The following RYR2 variants were observed in gnomAD, a reference collection of about 807,000 sequenced individuals.
The protein encoded by RYR2 is ryanodine receptor 2, also known as cardiac muscle ryanodine receptor-calcium release channel.
In RYR2, 227 loss-of-function variants were observed where a neutral mutation model predicts 601.1. That is an observed-to-expected ratio of 0.38 (90% CI 0.34 to 0.42). The LOEUF (loss-of-function observed/expected upper bound fraction) is 0.42, where lower values mean the gene tolerates loss of function less well. Among genes scored for constraint, RYR2 ranks in the 10% least tolerant of loss-of-function variants. The pLI, the probability that RYR2 is intolerant of heterozygous loss-of-function variation, is 1.00. For synonymous variants in RYR2, 2,223 were observed against 2,175.1 expected, an observed-to-expected ratio of 1.02 and a Z score of -0.61; for missense variants, 4,646 against 6,156.5, an observed-to-expected ratio of 0.75 and a Z score of 8.21.
intron 3 of RYR2, among the ~76,000 whole-genome samples, chr1:237,335,609 G>A (rs1697176088): frequency 6.6e-6 from 1 of 152,104 alleles, no homozygotes; most frequent in Non-Finnish European, 1.5e-5. Flanking sequence ...ATTATTTCTG[G>A]GGGGATTGTA....
At chr1:237,558,972 T>C (rs1242988210) in intron 27 of RYR2, among the ~76,000 whole-genome samples, 1 of 151,696 alleles carries the variant, frequency 6.6e-6, no homozygotes, top group Non-Finnish European at 1.5e-5. Context: ...TGATATTCAC[T>C]ATTTGGTGAA....
At chr1:237,817,844 C>G (rs1662007228) in intron 100 of RYR2, among the ~76,000 whole-genome samples, 2 of 152,146 alleles carry the variant, frequency 1.3e-5, no homozygotes, top group South Asian at 4.1e-4. Context: ...TGGTCAGCAG[C>G]AACTAACTAG....
At chr1:237,745,194 A>G (rs900454931) in intron 80 of RYR2, among the ~76,000 whole-genome samples, 1 of 152,162 alleles carries the variant, frequency 6.6e-6, no homozygotes, top group Non-Finnish European at 1.5e-5. Flanking sequence ...AATCATGTAT[A>G]TACTATCAGA....
chr1:237,643,449 T>C lies in RYR2; in HGVS notation c.7342+2T>C. The C allele has an allele frequency of 6.2e-7, 1 of 1,613,832 alleles. No homozygotes were observed. The highest frequency in any genetic ancestry group is 8.5e-7 in the Non-Finnish European group (1 of 1,179,812). ...TTCAGATGCCAACAATAGCCAAAGG[T>C]AAGGCCAACTTCAATTTGTCCTAAT... On this transcript the variant is annotated splice_donor_variant, in intron 48 of 104. Coordinates refer to ENST00000366574, the MANE Select transcript of RYR2 (RefSeq NM_001035.3). LOFTEE classifies it high-confidence loss of function.
chr1:237,464,047 G>A (rs1009701021), intron 16 of RYR2, among the ~76,000 whole-genome samples: 7 of 152,070 alleles, frequency 4.6e-5, no homozygotes, highest in African/African-American at 7.2e-5. Context: ...TATTTATCAC[G>A]TAATACATGC....
At chr1:237,683,242 T>C (rs1686051191) in intron 62 of RYR2, among the ~76,000 whole-genome samples, 1 of 152,222 alleles carries the variant, frequency 6.6e-6, no homozygotes, top group Non-Finnish European at 1.5e-5. Flanking sequence ...AATAGTTGTG[T>C]GGGTTTGAGT....
chr1:237,609,433 G>A (rs933158746), intron 35 of RYR2, among the ~76,000 whole-genome samples: 9 of 141,170 alleles, frequency 6.4e-5, no homozygotes, highest in Non-Finnish European at 1.1e-4. Flanking sequence ...GCAGTGACAC[G>A]ATCTCAGCTC....
intron 11 of RYR2, among the ~76,000 whole-genome samples, chr1:237,418,130 C>T (rs973446595): frequency 2.0e-5 from 3 of 152,112 alleles, no homozygotes; most frequent in African/African-American, 7.2e-5. Flanking sequence ...GCAAGCTCCA[C>T]CTCCCGGGTT....
chr1:237,156,828 C>T (rs1293211563), intron 1 of RYR2, among the ~76,000 whole-genome samples: 1 of 152,110 alleles, frequency 6.6e-6, no homozygotes, highest in Non-Finnish European at 1.5e-5. Flanking sequence ...TGATTTCATC[C>T]TGTATTAAAT....
intron 17 of RYR2, among the ~76,000 whole-genome samples, chr1:237,473,218 G>T (rs1660936145): frequency 6.6e-6 from 1 of 152,020 alleles, no homozygotes; most frequent in Non-Finnish European, 1.5e-5. Context: ...GAGGTCAGGA[G>T]TTTGAAACCA....
At chr1:237,200,043 C>A (rs1681009357) in intron 1 of RYR2, among the ~76,000 whole-genome samples, 1 of 152,088 alleles carries the variant, frequency 6.6e-6, no homozygotes, top group Non-Finnish European at 1.5e-5. Flanking sequence ...GTCTTAGGAA[C>A]TGTATGAGAT....
chr1:237,827,544 C>T (rs1431045691), intron 101 of RYR2, among the ~76,000 whole-genome samples: 2 of 149,294 alleles, frequency 1.3e-5, no homozygotes, highest in African/African-American at 2.5e-5. Flanking sequence ...GCAGGAGGAT[C>T]GCTTGAGCCC....
At chr1:237,797,036 G>A (rs879530933) in intron 96 of RYR2, among the ~76,000 whole-genome samples, 2 of 151,848 alleles carry the variant, frequency 1.3e-5, no homozygotes, top group Non-Finnish European at 2.9e-5. Flanking sequence ...CACCCACCTC[G>A]GCCTCCCAAA....
At chr1:237,595,132 A>C (rs908663720) in intron 33 of RYR2, among the ~76,000 whole-genome samples, 9 of 151,894 alleles carry the variant, frequency 5.9e-5, no homozygotes, top group African/African-American at 2.2e-4. Flanking sequence ...GCTAAAAAAA[A>C]TCCATGAGAT....
At chr1:237,800,099 A>C (rs1404749980) in intron 97 of RYR2, 1 of 152,236 alleles carries the variant, frequency 6.6e-6, no homozygotes, top group Non-Finnish European at 1.5e-5. Context: ...GCTGTGTGAT[A>C]CTGATGGTAT....
chr1:237,711,732 T>C lies in RYR2; in HGVS notation c.10231-13T>C. The C allele has an allele frequency of 6.1e-6, 9 of 1,472,364 alleles. No individual in the cohort carries two copies. The highest frequency in any genetic ancestry group is 8.5e-6 in the Non-Finnish European group (9 of 1,059,082). 91.2% of individuals were successfully genotyped at this position (1,472,364 alleles called of 1,614,324 possible). On this transcript the variant is annotated splice_polypyrimidine_tract_variant and intron_variant, in intron 70 of 104. Coordinates refer to ENST00000366574, the MANE Select transcript of RYR2 (RefSeq NM_001035.3). ...AAGTGGTTTTAACTGAAATTTCCTT[T>C]GCAACTTCTCAGAATTTCAAAAGAG...
intron 1 of RYR2, among the ~76,000 whole-genome samples, chr1:237,182,208 G>A (rs541552094): frequency 3.3e-5 from 5 of 151,956 alleles, no homozygotes; most frequent in Admixed American, 1.3e-4. Context: ...TGCAGACTCC[G>A]CCTCCCGGGT....
intron 25 of RYR2, among the ~76,000 whole-genome samples, chr1:237,544,483 C>T: frequency 6.6e-6 from 1 of 152,128 alleles, no homozygotes; most frequent in South Asian, 2.1e-4. Flanking sequence ...ATTTTACTTT[C>T]CAAGAGTTAT....
In RYR2 at chr1:237,732,168, C is replaced by A. The variant is rs1204949717; in HGVS notation, c.11039+19C>A. 6.7e-7 allele frequency: 1 copy of A among 1,498,706 alleles called. No individual in the cohort carries two copies. The highest frequency in any genetic ancestry group is 9.3e-7 in the Non-Finnish European group (1 of 1,078,836). 92.8% of individuals were successfully genotyped at this position (1,498,706 alleles called of 1,614,324 possible). A position where few individuals can be genotyped will look rare whatever the true frequency, so the allele number is the denominator to read the frequency against. ...AGAAATGGTATGGTTGGGAGGGTTC[C>A]TATGAGACATAGGAGGAGCAAATAA... On this transcript the variant is annotated intron_variant, in intron 78 of 104. Transcript: ENST00000366574.
Sources: allele counts gnomAD v4.1 joint callset (sites outside exome capture counted in the v4.1 genomes callset), GRCh38; gene constraint gnomAD v4.1.1; transcripts MANE v1.5; gene names NCBI Gene and HGNC (gene_info 2026-07-23, HGNC 2026-07-21).